GDAP1: variants seen among roughly 807,000 people sequenced by gnomAD.
GDAP1 encodes the protein ganglioside induced differentiation associated protein 1.
In GDAP1, 34 loss-of-function variants were observed where a neutral mutation model predicts 40.1. That is an observed-to-expected ratio of 0.85 (90% confidence interval 0.64 to 1.13). GDAP1 has a LOEUF of 1.13. GDAP1 is among the 50% of genes most tolerant of loss of function. The pLI is 0.00. For missense variants in GDAP1, 374 were observed against 433.7 expected (o/e 0.86, Z 1.22); for synonymous variants, 170 against 157.4 (o/e 1.08, Z -0.60).
At chr8:74,441,399 A>G (rs1207429202) in intron 2 of GDAP1, among the ~76,000 whole-genome samples, 1 of 152,158 alleles carries the variant, frequency 6.6e-6, no homozygotes, top group Non-Finnish European at 1.5e-5. Flanking sequence ...AGCAGCTAAT[A>G]AGCAAGCTGA....
rs111426828 is a variant in GDAP1 at position 74,352,491 on chromosome 8, C to T, written c.310+1025C>T. Among the ~76,000 whole-genome samples, 21 of 152,314 alleles carry T rather than the reference C, an allele frequency of 1.4e-4. 1 individual carries two copies. The highest frequency in any genetic ancestry group is 5.1e-4 in the African/African-American group (21 of 41,556). ...AAATTACTAGGACAAAAAAAAGTCT[C>T]ATGTACTTAGAAGGAAAATGAGTAT... On this transcript the variant is annotated intron_variant, in intron 2 of 5. Coordinates refer to ENST00000220822, the MANE Select transcript of GDAP1 (RefSeq NM_018972.4).
chr8:74,413,088 A>AAAAAAAT (rs1491134037), intron 2 of GDAP1, among the ~76,000 whole-genome samples: 1 of 147,120 alleles, frequency 6.8e-6, no homozygotes, highest in Non-Finnish European at 1.5e-5. Context: ...AAAAAAAAAA[A>AAAAAAAT]GATTTCTGAA....
chr8:74,464,540 G>T (rs959331583), intron 2 of GDAP1, among the ~76,000 whole-genome samples: 2 of 152,212 alleles, frequency 1.3e-5, no homozygotes, highest in African/African-American at 4.8e-5. Context: ...TCAAGGAATA[G>T]TGTGGAAACT....
chr8:74,395,103 G>A (rs1020077759), intron 2 of GDAP1, among the ~76,000 whole-genome samples: 1 of 152,096 alleles, frequency 6.6e-6, no homozygotes, highest in African/African-American at 2.4e-5. Flanking sequence ...AGTTTCTGAT[G>A]CCCAAACAAT....
rs189138599 is a variant in GDAP1, at chr8:74,469,719, T to C, written c.166-18959T>C. ...GCCTGGGTGCAGTGGCTCATGCTTG[T>C]AATCCCAGCACTTTGGGAGGCTGAG... On this transcript the variant is annotated intron_variant, in intron 2 of 2. Coordinates refer to the GDAP1 transcript ENST00000523640. Among the ~76,000 whole-genome samples the C allele has an allele frequency of 4.4e-3, 662 of 150,430 alleles. 7 individuals are homozygous for C. The highest frequency in any genetic ancestry group is 0.015 in the African/African-American group (627 of 40,832).
chr8:74,439,208 A>G (rs976317306), intron 2 of GDAP1, among the ~76,000 whole-genome samples: 1 of 152,068 alleles, frequency 6.6e-6, no homozygotes, highest in African/African-American at 2.4e-5. Context: ...TTTAATCTAC[A>G]TATATATACA....
intron 2 of GDAP1, among the ~76,000 whole-genome samples, chr8:74,473,920 G>A (rs1806593940): frequency 6.6e-6 from 1 of 152,132 alleles, no homozygotes; most frequent in African/African-American, 2.4e-5. Context: ...TAATAATATT[G>A]ATTGTTCCTA....
chr8:74,361,894 A>C lies in GDAP1; in HGVS notation c.495A>C (p.Gly165=), dbSNP rs758326016. 6.3e-7 allele frequency: 1 copy of C among 1,591,262 alleles called. No individual in the cohort carries two copies. Among genetic ancestry groups the C allele is most frequent in the Admixed American group, 1.7e-5 (1 of 60,006 alleles). The change falls in exon 4 of 6, where the codon GGA becomes GGC. Residue 165 remains glycine, a synonymous_variant. Coordinates refer to ENST00000220822, the MANE Select transcript of GDAP1 (RefSeq NM_018972.4). ...YATTRIRSQI[G]NTESELKKLA... is the part of the protein sequence containing the mutation. ...TGTTTTTATTATCAGGCCAAATTGG[A>C]AACACAGAGTCTGAGCTGAAGAAAC...
chr8:74,444,026 C>CTATCTATCT (rs59832527), intron 2 of GDAP1, among the ~76,000 whole-genome samples: 1 of 86,776 alleles, frequency 1.2e-5, no homozygotes, highest in African/African-American at 4.0e-5. Flanking sequence ...ATCTATCTAT[C>CTATCTATCT]ATCTATCATC....
At chr8:74,436,797 C>G (rs556622748) in intron 2 of GDAP1, among the ~76,000 whole-genome samples, 2 of 152,122 alleles carry the variant, frequency 1.3e-5, no homozygotes, top group Non-Finnish European at 2.9e-5. Flanking sequence ...CTTTACCCCC[C>G]ATAAGCCAGA....
intron 2 of GDAP1, among the ~76,000 whole-genome samples, chr8:74,384,359 A>G (rs1438798118): frequency 2.6e-5 from 4 of 152,168 alleles, no homozygotes; most frequent in South Asian, 2.1e-4. Context: ...ATGCATGAAC[A>G]ATTTTTATAT....
chr8:74,358,840 T>G (rs1192756865), intron 2 of GDAP1, among the ~76,000 whole-genome samples: 1 of 152,208 alleles, frequency 6.6e-6, no homozygotes, highest in Non-Finnish European at 1.5e-5. Context: ...AAAGGAATTA[T>G]TTCCTTCCAT....
intron 2 of GDAP1, among the ~76,000 whole-genome samples, chr8:74,482,110 G>T (rs1465320053): frequency 2.5e-4 from 16 of 64,976 alleles, no homozygotes; most frequent in South Asian, 1.1e-3. Flanking sequence ...AAACTGAAGG[G>T]TTTTTTTTTG....
intron 2 of GDAP1, among the ~76,000 whole-genome samples, chr8:74,463,011 C>G (rs1806419456): frequency 6.7e-6 from 1 of 148,762 alleles, no homozygotes; most frequent in Admixed American, 6.8e-5. Context: ...CCAGACAGTA[C>G]ATGAAAGCTT....
chr8:74,400,682 G>A (rs1233247805), intron 2 of GDAP1, among the ~76,000 whole-genome samples: 1 of 149,782 alleles, frequency 6.7e-6, no homozygotes, highest in Non-Finnish European at 1.5e-5. Flanking sequence ...ATTTTGCAGT[G>A]GCTGGTACCA....
At chr8:74,369,718 C>G (rs989308200), downstream of GDAP1, among the ~76,000 whole-genome samples, 3 of 151,980 alleles carry the variant, frequency 2.0e-5, no homozygotes, top group Non-Finnish European at 2.9e-5. Flanking sequence ...AAGAAAATCA[C>G]TGAACTCAGT....
intron 2 of GDAP1, among the ~76,000 whole-genome samples, chr8:74,423,862 T>C (rs1805913953): frequency 6.6e-6 from 1 of 152,096 alleles, no homozygotes; most frequent in Non-Finnish European, 1.5e-5. Flanking sequence ...TACTCTGTTG[T>C]AGAAAAAACC....
Position 74,362,784 on chromosome 8 carries a change from C to CTTTT in GDAP1, c.580-138_580-135dup, listed in dbSNP as rs1284434868. On this transcript the variant is annotated intron_variant, in intron 4 of 5. Transcript: ENST00000220822. ...CCCTTCAACTTAGCTCTCTCTCTCT[C>CTTTT]TTTTTTTTTTTTTTTTTTTTGCTGA... 1.4e-3 allele frequency among the ~76,000 whole-genome samples: 87 copies of CTTTT among 60,412 alleles called. 1 individual carries two copies. Among genetic ancestry groups the CTTTT allele is most frequent in the East Asian group, 6.7e-3 (10 of 1,492 alleles). The allele number at this position is 60,412 out of a possible 152,430, so 39.6% of individuals were successfully genotyped here.
chr8:74,401,819 G>C lies in GDAP1; in HGVS notation c.165+50498G>C, dbSNP rs957371761. ...TCTGTTGGAGTTTGCTAGAGGTCCA[G>C]TCCAGACCCTGTTTGCCTGGGTATC... is the stretch of plus-strand genomic sequence containing the variant. On this transcript the variant is annotated intron_variant, in intron 2 of 2. Transcript: ENST00000523640. Among the ~76,000 whole-genome samples, 107 of 150,198 alleles carry C rather than the reference G, an allele frequency of 7.1e-4. 12 individuals carry two copies. Among genetic ancestry groups the C allele is most frequent in the African/African-American group, 2.6e-3 (102 of 39,508 alleles).
Sources: allele counts gnomAD v4.1 joint callset (sites outside exome capture counted in the v4.1 genomes callset), GRCh38; gene constraint gnomAD v4.1.1; transcripts MANE v1.5; gene names NCBI Gene and HGNC (gene_info 2026-07-23, HGNC 2026-07-21).